The following AADAT variants were observed in gnomAD, a reference collection of about 807,000 sequenced individuals.
AADAT encodes the protein aminoadipate aminotransferase.
AADAT carries 25 observed loss-of-function variants against 56.2 expected under a neutral mutation model. The ratio of observed to expected loss-of-function variants is 0.44; its 90% confidence interval spans 0.32 to 0.62. The LOEUF (loss-of-function observed/expected upper bound fraction) is 0.62, where lower values mean the gene tolerates loss of function less well. Among genes scored for constraint, AADAT ranks in the 20% least tolerant of loss-of-function variants. The pLI is 0.04. For missense variants in AADAT, 387 were observed against 510.5 expected (o/e 0.76, Z 2.33); for synonymous variants, 173 against 164.7 (o/e 1.05, Z -0.39).
chr4:170,081,092 CAA>C (rs1223690851), intron 3 of AADAT, among the ~76,000 whole-genome samples: 1 of 151,946 alleles, frequency 6.6e-6, no homozygotes, highest in Non-Finnish European at 1.5e-5. Context: ...AGACATTTAA[CAA>C]AGAGATTGAA....
intron 2 of AADAT, 75 bp downstream of exon 2, chr4:170,088,321 A>C: frequency 7.1e-7 from 1 of 1,401,530 alleles, no homozygotes; most frequent in Non-Finnish European, 9.6e-7. Context: ...TTTCTTTAAT[A>C]TTCTTTATCA....
intron 5 of AADAT, among the ~76,000 whole-genome samples, chr4:170,072,768 C>G (rs1480407773): frequency 6.6e-6 from 1 of 152,084 alleles, no homozygotes; most frequent in African/African-American, 2.4e-5. Context: ...TTAAAGAATT[C>G]TTGGTAACCT....
upstream of AADAT, among the ~76,000 whole-genome samples, chr4:170,093,060 TC>T (rs1209138387): frequency 1.3e-5 from 2 of 152,114 alleles, no homozygotes; most frequent in East Asian, 1.9e-4. Flanking sequence ...ATGTTGATGT[TC>T]CTGGGGACTT....
At chr4:170,084,201 G>A (rs1023650656) in intron 3 of AADAT, among the ~76,000 whole-genome samples, 6 of 152,158 alleles carry the variant, frequency 3.9e-5, no homozygotes, top group Non-Finnish European at 8.8e-5. Context: ...CATAAGGATA[G>A]AGAGTAGATT....
At chr4:170,064,936 A>C (rs1375773967) in intron 10 of AADAT, 111 bp from the exon 11 acceptor site, 2 of 847,638 alleles carry the variant, frequency 2.4e-6, no homozygotes, top group African/African-American at 3.6e-5. Context: ...GTATTCCTAA[A>C]AAAGTTCCTT....
chr4:170,069,301 G>T, intron 6 of AADAT, 71 bp from the exon 7 acceptor site: 1 of 1,247,778 alleles, frequency 8.0e-7, no homozygotes, highest in Non-Finnish European at 1.2e-6. Context: ...ATTTTGAATA[G>T]AGAGTAGAAC....
At chr4:170,077,105 T>C (rs1221367823) in intron 4 of AADAT, among the ~76,000 whole-genome samples, 1 of 152,218 alleles carries the variant, frequency 6.6e-6, no homozygotes, top group Non-Finnish European at 1.5e-5. Flanking sequence ...TTACTGCAGC[T>C]TTGCAGTTTT....
At chr4:170,089,221 C>A (rs1473399804) in intron 1 of AADAT, 1 of 392,284 alleles carries the variant, frequency 2.5e-6, no homozygotes, top group Non-Finnish European at 4.8e-6. Flanking sequence ...TTAGCCCCGA[C>A]CTGTCTGTGA....
chr4:170,079,963 A>C (rs1002056977), intron 3 of AADAT, among the ~76,000 whole-genome samples: 1 of 152,218 alleles, frequency 6.6e-6, no homozygotes, highest in Non-Finnish European at 1.5e-5. Context: ...AGCTACAGGG[A>C]ACTCCAATAA....
chr4:170,077,607 T>C (rs1173473518), intron 4 of AADAT, among the ~76,000 whole-genome samples: 5 of 152,234 alleles, frequency 3.3e-5, no homozygotes, highest in Admixed American at 3.3e-4. Context: ...AGAATTACTT[T>C]AGCCATATTT....
At chr4:170,061,870 C>G in intron 12 of AADAT, 22 bp downstream of exon 12, 1 of 1,565,088 alleles carries the variant, frequency 6.4e-7, no homozygotes, top group Non-Finnish European at 8.7e-7. Context: ...TAGTGTTACT[C>G]TGAGGAGAAT....
intron 12 of AADAT, among the ~76,000 whole-genome samples, chr4:170,061,639 C>T (rs78113036): frequency 0.025 from 3,802 of 152,202 alleles, 167 homozygotes; most frequent in African/African-American, 0.087. Flanking sequence ...TGACAATTTA[C>T]GCAGCTCAGT....
intron 10 of AADAT, 41 bp from the exon 11 acceptor site, chr4:170,064,866 G>A: frequency 4.5e-6 from 7 of 1,545,990 alleles, no homozygotes; most frequent in Non-Finnish European, 6.2e-6. Context: ...CCAAAGGAAG[G>A]CATTTTTGAT....
intron 10 of AADAT, 70 bp from the exon 11 acceptor site, chr4:170,064,895 T>A: frequency 7.5e-7 from 1 of 1,333,264 alleles, no homozygotes; most frequent in Non-Finnish European, 1.0e-6. Flanking sequence ...AGTGTGTTGT[T>A]AAATGGCATA....
chr4:170,074,748 A>C (rs1303018252), intron 4 of AADAT, among the ~76,000 whole-genome samples: 1 of 152,116 alleles, frequency 6.6e-6, no homozygotes, highest in Non-Finnish European at 1.5e-5. Flanking sequence ...GCAGATCACC[A>C]GGCAGTACAG....
In AADAT at chr4:170,089,956, T is replaced by A; in HGVS notation, c.-266A>T. 1 of 284,080 alleles carries A rather than the reference T, an allele frequency of 3.5e-6. No homozygotes were observed. The highest frequency in any genetic ancestry group is 9.5e-5 in the South Asian group (1 of 10,538). 17.6% of individuals were successfully genotyped at this position (284,080 alleles called of 1,614,324 possible). Reference sequence around the variant, plus strand: ...GCAAAGTCCACGCCGCACGCGCTCCTGCGGCCGCCAGGGCCCAGGCCGGTT... The same window carrying A: ...GCAAAGTCCACGCCGCACGCGCTCCAGCGGCCGCCAGGGCCCAGGCCGGTT... On this transcript the variant is annotated 5_prime_UTR_variant, in exon 1 of 13. Transcript: ENST00000337664.
chr4:170,071,376 T>C (rs563993211), intron 5 of AADAT, among the ~76,000 whole-genome samples: 7 of 152,050 alleles, frequency 4.6e-5, no homozygotes, highest in Non-Finnish European at 8.8e-5. Context: ...CAGAGAAGAA[T>C]CTAGACTGAG....
intron 5 of AADAT, among the ~76,000 whole-genome samples, chr4:170,072,327 G>A (rs775886673): frequency 2.4e-4 from 36 of 151,830 alleles, no homozygotes; most frequent in Non-Finnish European, 4.9e-4. Flanking sequence ...TTAGAGTTGG[G>A]GTCTTGCTAT....
At chr4:170,067,450 T>C (rs1185453087) in intron 8 of AADAT, 62 bp from the exon 9 acceptor site, 53 of 1,379,484 alleles carry the variant, frequency 3.8e-5, no homozygotes, top group Non-Finnish European at 5.3e-5. Flanking sequence ...TTTTGCCATA[T>C]ATAAAAGCAA....
Sources: gnomAD v4.1 joint callset for allele counts (sites outside exome capture counted in the v4.1 genomes callset) on GRCh38, gnomAD v4.1.1 for gene constraint, MANE v1.5 for transcripts, NCBI Gene and HGNC (gene_info 2026-07-23, HGNC 2026-07-21) for gene names.